ALK: variants seen among roughly 807,000 people sequenced by gnomAD.
ALK encodes the protein ALK tyrosine kinase receptor.
A neutral mutation model predicts 163.1 loss-of-function variants in ALK; 74 were observed. The ratio of observed to expected loss-of-function variants is 0.45; its 90% CI spans 0.38 to 0.55. The LOEUF (loss-of-function observed/expected upper bound fraction) is 0.55, where lower values mean the gene tolerates loss of function less well. Ranked by LOEUF, ALK falls within the 20% of genes least tolerant of loss-of-function variation. The pLI is 0.00. For missense variants in ALK, 2,063 were observed against 2,105.3 expected, an observed-to-expected ratio of 0.98 and a Z score of 0.39; for synonymous variants, 960 against 843.2, an observed-to-expected ratio of 1.14 and a Z score of -2.40.
Position 29,893,808 on chromosome 2 carries a change from G to A in ALK, c.667+26185C>T, listed in dbSNP as rs1572477022. Among the ~76,000 whole-genome samples the A allele has an allele frequency of 2.0e-5, 3 of 152,232 alleles. No individual in the cohort carries two copies. In the South Asian group the frequency reaches 6.2e-4, roughly 32 times the overall value. On this transcript the variant is annotated intron_variant, in intron 1 of 28. Transcript: ENST00000389048. Reference sequence around the variant, plus strand: ...CAGTGGCTCAAGAAGTTTCTTCTATGGGGAAAAGCATGGAGCTGACAGAGC... The same window carrying A: ...CAGTGGCTCAAGAAGTTTCTTCTATAGGGAAAAGCATGGAGCTGACAGAGC...
At chr2:29,379,745 G>C (rs746727330) in intron 5 of ALK, among the ~76,000 whole-genome samples, 8 of 152,224 alleles carry the variant, frequency 5.3e-5, no homozygotes, top group Non-Finnish European at 8.8e-5. Flanking sequence ...GCAACGTGTG[G>C]AAGATGGAAT....
chr2:29,584,079 CA>C (rs765091629), intron 3 of ALK, among the ~76,000 whole-genome samples: 1 of 151,964 alleles, frequency 6.6e-6, no homozygotes, highest in Non-Finnish European at 1.5e-5. Flanking sequence ...TAGGGTAAGT[CA>C]GGGGGTGTTC....
At chr2:29,519,035 G>C (rs6730585) in intron 4 of ALK, among the ~76,000 whole-genome samples, 1,525 of 152,314 alleles carry the variant, frequency 0.01, 38 homozygotes, top group African/African-American at 0.034. Context: ...TTTTCACAAA[G>C]AGCCTACAAG....
chr2:29,210,411 T>A (rs1669431932), intron 24 of ALK, among the ~76,000 whole-genome samples: 1 of 152,212 alleles, frequency 6.6e-6, no homozygotes, highest in Admixed American at 6.5e-5. Flanking sequence ...TCAAGTAGAT[T>A]AAGATATTCA....
At chr2:29,758,889 C>T (rs888646568) in intron 1 of ALK, among the ~76,000 whole-genome samples, 3 of 152,194 alleles carry the variant, frequency 2.0e-5, no homozygotes, top group Non-Finnish European at 4.4e-5. Context: ...CCTTTATACA[C>T]AGCCACCTCT....
rs73923610 is a variant in ALK at position 29,394,803 on chromosome 2, T to C, written c.1155-10944A>G. Among the ~76,000 whole-genome samples, 910 of 152,244 alleles carry C rather than the reference T, an allele frequency of 6.0e-3. 12 individuals are homozygous for C. The highest frequency in any genetic ancestry group is 0.021 in the African/African-American group (870 of 41,546). ...TTTCCTAACTCTCTCTTTCTTCCAA[T>C]AACTTTTTAGCACCATCTGTTCTTT... On this transcript the variant is annotated intron_variant, in intron 4 of 28. Coordinates refer to ENST00000389048, the MANE Select transcript of ALK (RefSeq NM_004304.5).
At chr2:29,215,706 T>C (rs1489644075) in intron 23 of ALK, among the ~76,000 whole-genome samples, 1 of 2,514 alleles carries the variant, frequency 4.0e-4, no homozygotes, top group Admixed American at 0.042. Context: ...TTGGAGCGTA[T>C]GTATGTGACT....
intron 4 of ALK, among the ~76,000 whole-genome samples, chr2:29,508,394 T>C (rs1672399935): frequency 6.6e-6 from 1 of 152,108 alleles, no homozygotes; most frequent in East Asian, 1.9e-4. Flanking sequence ...ATGTCCTTTG[T>C]AGGGACATGG....
At chr2:29,575,851 G>GCTC (rs1326126498) in intron 3 of ALK, among the ~76,000 whole-genome samples, 8 of 152,204 alleles carry the variant, frequency 5.3e-5, no homozygotes, top group African/African-American at 1.7e-4. Context: ...GTTGCCAAAT[G>GCTC]CTCCAACAGA....
chr2:29,882,519 C>A (rs993409512), intron 1 of ALK, among the ~76,000 whole-genome samples: 12 of 152,116 alleles, frequency 7.9e-5, no homozygotes, highest in African/African-American at 2.9e-4. Context: ...CATGGTGAAA[C>A]CCCGTCTCTA....
intron 3 of ALK, among the ~76,000 whole-genome samples, chr2:29,567,680 T>C (rs1458804692): frequency 6.7e-6 from 1 of 149,996 alleles, no homozygotes. Context: ...CCAAGGTGCG[T>C]CTGGCCACGT....
intron 4 of ALK, among the ~76,000 whole-genome samples, chr2:29,512,288 G>T (rs928845021): frequency 3.4e-4 from 51 of 151,060 alleles, no homozygotes; most frequent in Non-Finnish European, 5.9e-5. Context: ...ACATCAAAAA[G>T]CTTATCCACC....
At chr2:29,308,526 G>A (rs1461693382) in intron 8 of ALK, among the ~76,000 whole-genome samples, 1 of 152,234 alleles carries the variant, frequency 6.6e-6, no homozygotes, top group Non-Finnish European at 1.5e-5. Context: ...TATTGTGCCT[G>A]TACTCTAGGC....
chr2:29,613,498 G>A (rs577478446), intron 3 of ALK, among the ~76,000 whole-genome samples: 1 of 152,316 alleles, frequency 6.6e-6, no homozygotes, highest in South Asian at 2.1e-4. Flanking sequence ...GGAAACACAA[G>A]TATCAATAGA....
intron 8 of ALK, among the ~76,000 whole-genome samples, chr2:29,301,299 T>C (rs1296934409): frequency 2.0e-5 from 3 of 152,224 alleles, no homozygotes; most frequent in Admixed American, 6.5e-5. Context: ...AACCACTTCC[T>C]CCTCCTCTTA....
intron 3 of ALK, among the ~76,000 whole-genome samples, chr2:29,691,555 T>C (rs1377055118): frequency 6.6e-6 from 1 of 152,198 alleles, no homozygotes; most frequent in East Asian, 1.9e-4. Flanking sequence ...TCCTGATTCA[T>C]CTAATGGGAA....
At chr2:29,380,340 G>A (rs911756635) in intron 5 of ALK, among the ~76,000 whole-genome samples, 9 of 151,792 alleles carry the variant, frequency 5.9e-5, no homozygotes, top group Admixed American at 2.6e-4. Context: ...TCTTGACCTC[G>A]TGATCCACCT....
At chr2:29,877,830 G>A (rs796804934) in intron 1 of ALK, among the ~76,000 whole-genome samples, 14 of 152,320 alleles carry the variant, frequency 9.2e-5, no homozygotes, top group African/African-American at 3.4e-4. Flanking sequence ...GAGAATCCAG[G>A]AGGCTGCTTT....
rs770578645 is a variant in ALK at position 29,288,951 on chromosome 2, C to CAAA, written c.1817+7934_1817+7936dup. Among the ~76,000 whole-genome samples, 176 of 24,166 alleles carry CAAA rather than the reference C, an allele frequency of 7.3e-3. 6 individuals carry two copies. The highest frequency in any genetic ancestry group is 9.9e-3 in the African/African-American group (166 of 16,816). The allele number at this position is 24,166 out of a possible 152,430, so 15.9% of individuals were successfully genotyped here. On this transcript the variant is annotated intron_variant, in intron 9 of 28. Coordinates refer to ENST00000389048, the MANE Select transcript of ALK (RefSeq NM_004304.5). ...TGGGCGACAGAGGGAGACTCCTTCT[C>CAAA]AAAAAAATAAATAAATAAATAAATA...
Sources: gnomAD v4.1 joint callset for allele counts (sites outside exome capture counted in the v4.1 genomes callset) on GRCh38, gnomAD v4.1.1 for gene constraint, MANE v1.5 for transcripts, NCBI Gene and HGNC (gene_info 2026-07-23, HGNC 2026-07-21) for gene names.